HORMAD2: variants seen among roughly 807,000 people sequenced by gnomAD.
HORMAD2 encodes the protein HORMA domain containing 2.
A neutral mutation model predicts 38.8 loss-of-function variants in HORMAD2; 45 were observed. The observed-to-expected ratio is 1.16, with a 90% CI of 0.91 to 1.49. HORMAD2 has a LOEUF of 1.49. Among genes scored for constraint, HORMAD2 ranks in the 40% most tolerant of loss-of-function variants. The pLI is 0.00. For synonymous variants in HORMAD2, 126 were observed against 122.8 expected (o/e 1.03, Z -0.17); for missense variants, 338 against 367.0 (o/e 0.92, Z 0.65).
intron 10 of HORMAD2, among the ~76,000 whole-genome samples, chr22:30,146,926 T>G (rs533616982): frequency 6.6e-6 from 1 of 152,290 alleles, no homozygotes; most frequent in Non-Finnish European, 1.5e-5. Flanking sequence ...ATGAAATTTC[T>G]AAATACCATT....
intron 10 of HORMAD2, among the ~76,000 whole-genome samples, chr22:30,159,491 T>C (rs986332038): frequency 6.6e-6 from 1 of 152,262 alleles, no homozygotes; most frequent in Non-Finnish European, 1.5e-5. Flanking sequence ...GTTTGGTTTA[T>C]CTTTCATAGG....
At chr22:30,104,140 TTCA>T (rs1358580409) in intron 4 of HORMAD2, among the ~76,000 whole-genome samples, 2 of 152,160 alleles carry the variant, frequency 1.3e-5, no homozygotes, top group East Asian at 3.8e-4. Context: ...AAATTGATAA[TTCA>T]TCATATGTGT....
the HORMAD2 span, among the ~76,000 whole-genome samples, chr22:30,195,774 A>T: frequency 6.6e-5 from 10 of 152,290 alleles, no homozygotes; most frequent in South Asian, 2.1e-3. Flanking sequence ...AACCTACATG[A>T]TTACCTGGAA....
upstream of HORMAD2, among the ~76,000 whole-genome samples, chr22:30,079,345 G>C (rs891277169): frequency 1.3e-5 from 2 of 152,140 alleles, no homozygotes; most frequent in African/African-American, 2.4e-5. Flanking sequence ...GAGATTAGGG[G>C]TAGGGCACAA....
chr22:30,120,157 T>G (rs1382894448), intron 8 of HORMAD2, among the ~76,000 whole-genome samples: 2 of 152,152 alleles, frequency 1.3e-5, no homozygotes, highest in Non-Finnish European at 2.9e-5. Flanking sequence ...ATCTTTCACA[T>G]GCTAAGGAGA....
At chr22:30,130,586 C>CTTTTTTTT (rs66636269) in intron 10 of HORMAD2, among the ~76,000 whole-genome samples, 8 of 87,900 alleles carry the variant, frequency 9.1e-5, no homozygotes, top group Non-Finnish European at 1.8e-4. Context: ...CTTTTCTTTT[C>CTTTTTTTT]TTTTTTTTTT....
chr22:30,111,333 A>G (rs1921636130), intron 5 of HORMAD2, among the ~76,000 whole-genome samples: 2 of 151,850 alleles, frequency 1.3e-5, no homozygotes, highest in South Asian at 4.2e-4. Flanking sequence ...TGAAAATACA[A>G]AAATTAGCCG....
At chr22:30,137,315 C>T (rs924690839) in intron 10 of HORMAD2, 9 of 512,368 alleles carry the variant, frequency 1.8e-5, no homozygotes, top group Middle Eastern at 6.4e-4. Flanking sequence ...TGAGTCCTGG[C>T]GATGAGTGTC....
intron 2 of HORMAD2, among the ~76,000 whole-genome samples, chr22:30,097,632 G>C (rs2068806517): frequency 6.6e-6 from 1 of 152,170 alleles, no homozygotes; most frequent in Non-Finnish European, 1.5e-5. Flanking sequence ...GCATGGGAGA[G>C]AATAAGGGAG....
At chr22:30,129,816 G>A (rs1382556440) in intron 10 of HORMAD2, among the ~76,000 whole-genome samples, 1 of 152,010 alleles carries the variant, frequency 6.6e-6, no homozygotes, top group Non-Finnish European at 1.5e-5. Context: ...AGCTTGATTT[G>A]GTGATTTTGT....
chr22:30,097,360 A>G (rs2068800731), intron 2 of HORMAD2, among the ~76,000 whole-genome samples: 1 of 152,198 alleles, frequency 6.6e-6, no homozygotes, highest in African/African-American at 2.4e-5. Context: ...CTTTTATGGC[A>G]CACTATTTCT....
chr22:30,141,140 G>A (rs528029197), intron 10 of HORMAD2, among the ~76,000 whole-genome samples: 3 of 152,088 alleles, frequency 2.0e-5, no homozygotes, highest in African/African-American at 7.2e-5. Context: ...TGGGATTACA[G>A]GCATGCACCA....
Position 30,122,122 on chromosome 22 carries a change from G to T in HORMAD2, c.727G>T (p.Asp243Tyr), listed in dbSNP as rs1922494344. 1.2e-6 allele frequency: 2 copies of T among 1,613,728 alleles called. No individual in the cohort carries two copies. Among genetic ancestry groups the T allele is most frequent in the African/African-American group, 2.7e-5 (2 of 75,050 alleles). ...KVMTEATKVIDLENNLFRENS... is the reference protein window; with the variant it reads ...KVMTEATKVIYLENNLFRENS... ...CATGACAGAGGCTACAAAAGTGATT[G>T]ATTTGGAGAACAATCTGTTTCGGGA... The change falls in exon 10 of 11, where the codon GAT becomes TAT. Residue 243 changes from aspartate to tyrosine, a missense_variant. Coordinates refer to ENST00000336726, the MANE Select transcript of HORMAD2 (RefSeq NM_152510.4).
intron 10 of HORMAD2, among the ~76,000 whole-genome samples, chr22:30,127,199 C>CT (rs757608874): frequency 0.16 from 12,818 of 79,770 alleles, 3,500 homozygotes; most frequent in African/African-American, 0.19. Context: ...AACAGAAGTT[C>CT]TTTTTTTTTT....
chr22:30,199,666 A>G, the HORMAD2 span, among the ~76,000 whole-genome samples: 1 of 150,324 alleles, frequency 6.7e-6, no homozygotes, highest in Non-Finnish European at 1.5e-5. Context: ...ACCTTTCCCA[A>G]CCCCATCTCA....
upstream of HORMAD2, among the ~76,000 whole-genome samples, chr22:30,079,158 T>C (rs2068427344): frequency 6.6e-6 from 1 of 152,104 alleles, no homozygotes. Context: ...AAGAACAGGT[T>C]TCAAGTGGCT....
chr22:30,091,232 T>TTC (rs778425126), intron 1 of HORMAD2, among the ~76,000 whole-genome samples: 8 of 150,880 alleles, frequency 5.3e-5, no homozygotes, highest in Non-Finnish European at 7.4e-5. Context: ...CTTTTTCTCT[T>TTC]TCTCTCTCTC....
intron 1 of HORMAD2, among the ~76,000 whole-genome samples, chr22:30,089,954 C>G (rs1384463096): frequency 6.6e-6 from 1 of 152,156 alleles, no homozygotes; most frequent in Non-Finnish European, 1.5e-5. Flanking sequence ...CTGTAGGTAC[C>G]TCATATAAGT....
chr22:30,186,841 G>C, the HORMAD2 span, among the ~76,000 whole-genome samples: 1 of 150,092 alleles, frequency 6.7e-6, no homozygotes, highest in Non-Finnish European at 1.5e-5. Context: ...AATTGCGATA[G>C]TATAACCTGT....
Sources: gnomAD v4.1 joint callset for allele counts (sites outside exome capture counted in the v4.1 genomes callset) on GRCh38, gnomAD v4.1.1 for gene constraint, MANE v1.5 for transcripts, NCBI Gene and HGNC (gene_info 2026-07-23, HGNC 2026-07-21) for gene names.